PHEX: variants seen among roughly 807,000 people sequenced by gnomAD.
The protein encoded by PHEX is phosphate-regulating neutral endopeptidase PHEX.
A neutral mutation model predicts 68.0 loss-of-function variants in PHEX; 16 were observed. The ratio of observed to expected loss-of-function variants is 0.24; its 90% CI spans 0.16 to 0.36. The LOEUF (loss-of-function observed/expected upper bound fraction) is 0.36, where lower values mean the gene tolerates loss of function less well. Among genes scored for constraint, PHEX ranks in the 10% least tolerant of loss-of-function variants. PHEX has a pLI of 1.00. For missense variants in PHEX, 480 were observed against 575.5 expected, an observed-to-expected ratio of 0.83 and a Z score of 1.70; for synonymous variants, 208 against 205.1, an observed-to-expected ratio of 1.01 and a Z score of -0.12.
At chrX:22,113,966 T>TC (rs1450143825) in intron 10 of PHEX, among the ~76,000 whole-genome samples, 1 of 92,719 alleles carries the variant, frequency 1.1e-5, no homozygotes, top group East Asian at 3.1e-4. Flanking sequence ...TTTTTTTTTT[T>TC]CCAGACAGAG....
At chrX:22,190,288 G>A (rs1351859057) in intron 14 of PHEX, among the ~76,000 whole-genome samples, 156 bp from the exon 15 acceptor site, 1 of 112,015 alleles carries the variant, frequency 8.9e-6, no homozygotes, top group African/African-American at 3.3e-5. Context: ...GAGCAGTACA[G>A]TAGCCCCAAA....
intron 20 of PHEX, among the ~76,000 whole-genome samples, chrX:22,240,811 G>A (rs1936162481): frequency 1.8e-5 from 2 of 111,181 alleles, no homozygotes; most frequent in South Asian, 7.6e-4. Flanking sequence ...AGTAACAGTG[G>A]GAGACTTTAA....
At chrX:22,221,152 T>C (rs1023418109) in intron 17 of PHEX, among the ~76,000 whole-genome samples, 2 of 111,756 alleles carry the variant, frequency 1.8e-5, no homozygotes, top group East Asian at 2.8e-4. Flanking sequence ...CAGGTTCCTA[T>C]AGGGCTGAGT....
intron 12 of PHEX, among the ~76,000 whole-genome samples, chrX:22,135,263 G>A (rs923624385): frequency 1.8e-5 from 2 of 112,065 alleles, no homozygotes; most frequent in Admixed American, 9.4e-5. Context: ...GGGCTGTGAT[G>A]GGAAACTCTC....
intron 7 of PHEX, among the ~76,000 whole-genome samples, chrX:22,096,282 A>G (rs1930131465): frequency 8.9e-6 from 1 of 112,689 alleles, no homozygotes; most frequent in Non-Finnish European, 1.9e-5. Flanking sequence ...TAGGTTAAAC[A>G]TAGTGGAGGC....
In PHEX at chrX:22,248,973, G is replaced by C. The variant is rs1365616028; in HGVS notation, c.*1020G>C. 5 of 109,718 alleles carry C rather than the reference G, an allele frequency of 4.6e-5. No homozygotes were observed. The highest frequency in any genetic ancestry group is 9.5e-5 in the Non-Finnish European group (5 of 52,653). 9.0% of individuals were successfully genotyped at this position (109,718 alleles called of 1,213,427 possible). A position where few individuals can be genotyped will look rare whatever the true frequency, so the allele number is the denominator to read the frequency against. On this transcript the variant is annotated 3_prime_UTR_variant, in exon 22 of 22. Coordinates refer to ENST00000379374, the MANE Select transcript of PHEX (RefSeq NM_000444.6). Reference sequence around the variant, plus strand: ...AACATCACATTGAGGAGGGAGAAGTGTACCCTTCTTTTTCAGCTTAATGTT... The same window carrying C: ...AACATCACATTGAGGAGGGAGAAGTCTACCCTTCTTTTTCAGCTTAATGTT...
chrX:22,228,062 A>G (rs937981336), intron 20 of PHEX, among the ~76,000 whole-genome samples: 1 of 111,841 alleles, frequency 8.9e-6, no homozygotes, highest in African/African-American at 3.2e-5. Context: ...TCTAATGCAT[A>G]TGCAGAGACC....
intron 15 of PHEX, among the ~76,000 whole-genome samples, chrX:22,195,544 G>A (rs1345073572): frequency 9.2e-6 from 1 of 109,251 alleles, no homozygotes; most frequent in Non-Finnish European, 1.9e-5. Flanking sequence ...GCAGTGAGCC[G>A]AGATTGTGCC....
At chrX:22,090,329 C>T (rs1178737611) in intron 5 of PHEX, 100 bp from the exon 6 acceptor site, 7 of 670,347 alleles carry the variant, frequency 1.0e-5, no homozygotes, top group African/African-American at 2.1e-5. Context: ...GACATGAGCT[C>T]AAAATATGGC....
At chrX:22,150,696 C>A (rs2301316) in intron 12 of PHEX, among the ~76,000 whole-genome samples, 46,912 of 111,026 alleles carry the variant, frequency 0.42, 9,574 homozygotes, top group African/African-American at 0.78. Flanking sequence ...GTTTTTGAGC[C>A]GTATCTTGCT....
At chrX:22,131,189 G>GCACA (rs1430644959) in intron 11 of PHEX, among the ~76,000 whole-genome samples, 20 of 110,195 alleles carry the variant, frequency 1.8e-4, no homozygotes, top group Non-Finnish European at 3.4e-4. Flanking sequence ...ACAGGCGCCT[G>GCACA]CTACTACACC....
In PHEX at chrX:22,247,923, C is replaced by G; in HGVS notation, c.2220C>G (p.Asn740Lys). The change falls in exon 22 of 22, where the codon AAC (asparagine) becomes AAG (lysine). Residue 740 changes from asparagine (N) to lysine (K), a missense_variant. Coordinates refer to ENST00000379374, the MANE Select transcript of PHEX (RefSeq NM_000444.6). ...ACTGTCCACCCAATTCCACGATGAA[C>G]AGAGGCATGGACTCCTGCCGACTCT... ...AFNCPPNSTM[N>K]RGMDSCRLW is the part of the protein sequence containing the mutation. 8.3e-7 allele frequency: 1 copy of G among 1,206,316 alleles called. No individual in the cohort carries two copies. The highest frequency in any genetic ancestry group is 1.1e-6 in the Non-Finnish European group (1 of 891,715).
chrX:22,090,553 A>G, intron 6 of PHEX, 56 bp downstream of exon 6: 1 of 821,461 alleles, frequency 1.2e-6, no homozygotes, highest in Admixed American at 2.2e-5. Flanking sequence ...CAGGCCCATT[A>G]GTTCTAAGGC....
intron 16 of PHEX, among the ~76,000 whole-genome samples, chrX:22,214,041 T>G (rs935383611): frequency 8.9e-6 from 1 of 112,205 alleles, no homozygotes; most frequent in Non-Finnish European, 1.9e-5. Flanking sequence ...ACAAACTTAG[T>G]GGCTTAAAAT....
At position 22,249,455 on chromosome X, in the gene PHEX, A is replaced by AT. The variant is rs1555900710; in HGVS notation, c.*1502_*1503insT. 6.1e-3 allele frequency: 244 copies of AT among 39,727 alleles called. 1 individual carries two copies. Among genetic ancestry groups the AT allele is most frequent in the South Asian group, 8.8e-3 (7 of 791 alleles). The allele number at this position is 39,727 out of a possible 1,213,427, so 3.3% of individuals were successfully genotyped here. On this transcript the variant is annotated 3_prime_UTR_variant, in exon 22 of 22. Transcript: ENST00000379374. The stretch of plus-strand genomic sequence containing the variant: ...TTGTGATTCTTTTAAAAAAAAAAAA[A>AT]ATATATATATATATATATATATATA...
intron 3 of PHEX, among the ~76,000 whole-genome samples, chrX:22,074,342 A>G (rs1002634159): frequency 1.8e-4 from 20 of 109,452 alleles, no homozygotes; most frequent in African/African-American, 6.3e-4. Context: ...TGATAGCCGA[A>G]TCTGTTTTAA....
In PHEX at chrX:22,168,307, TG is replaced by T. The variant is rs746671817; in HGVS notation, c.1405-4del. ...TGACATTATTTTTCTTTTTCCTTTT[TG>T]TAGGCGAGAGCTGTTTTGGCAAAAG... On this transcript the variant is annotated splice_region_variant and splice_polypyrimidine_tract_variant and intron_variant, in intron 12 of 21. Coordinates refer to ENST00000379374, the MANE Select transcript of PHEX (RefSeq NM_000444.6). 3.9e-5 allele frequency: 46 copies of T among 1,171,661 alleles called. No individual in the cohort carries two copies. The highest frequency in any genetic ancestry group is 4.5e-5 in the Non-Finnish European group (39 of 860,309).
At chrX:22,206,048 A>G (rs186177134) in intron 15 of PHEX, among the ~76,000 whole-genome samples, 1 of 112,248 alleles carries the variant, frequency 8.9e-6, no homozygotes, top group East Asian at 2.8e-4. Context: ...GCTTGTTAAT[A>G]TCTGTATTGT....
chrX:22,193,426 G>A (rs1400737415), intron 15 of PHEX, among the ~76,000 whole-genome samples: 1 of 110,766 alleles, frequency 9.0e-6, no homozygotes, highest in African/African-American at 3.3e-5. Flanking sequence ...TCTGATTTGA[G>A]GGTTTATCAT....
Sources: gnomAD v4.1 joint callset for allele counts (sites outside exome capture counted in the v4.1 genomes callset) on GRCh38, gnomAD v4.1.1 for gene constraint, MANE v1.5 for transcripts, NCBI Gene and HGNC (gene_info 2026-07-23, HGNC 2026-07-21) for gene names.